The following EFCAB13 variants were observed in gnomAD, a reference collection of about 807,000 sequenced individuals.
EFCAB13 encodes the protein EF-hand calcium binding domain 13, also known as EF-hand calcium-binding domain-containing protein 13.
EFCAB13 carries 91 observed loss-of-function variants against 110.2 expected under a neutral mutation model. That is an observed-to-expected ratio of 0.83 (90% CI 0.70 to 0.98). EFCAB13 has a LOEUF of 0.98. Among genes scored for constraint, EFCAB13 ranks in the 50% least tolerant of loss-of-function variants. The probability of loss-of-function intolerance (pLI) is 0.00; values close to 1 mark genes in which losing one functional copy is unlikely to be tolerated. For synonymous variants in EFCAB13, 323 were observed against 369.9 expected (o/e 0.87, Z 1.45); for missense variants, 968 against 1,119.4 (o/e 0.86, Z 1.93).
At chr17:47,404,816 A>G (rs2065797125) in intron 20 of EFCAB13, among the ~76,000 whole-genome samples, 183 bp downstream of exon 20, 1 of 152,138 alleles carries the variant, frequency 6.6e-6, no homozygotes, top group Admixed American at 6.5e-5. Context: ...TTGAAATTTA[A>G]GAATTGTACA....
chr17:47,420,915 CCT>C (rs1464959109), intron 23 of EFCAB13, among the ~76,000 whole-genome samples: 65 of 148,898 alleles, frequency 4.4e-4, no homozygotes, highest in Admixed American at 4.3e-3. Context: ...GTGAGGGGCG[CCT>C]CTGCCCAGCC....
In EFCAB13 at chr17:47,344,201, A is replaced by C. The variant is rs768245889; in HGVS notation, c.343A>C (p.Thr115Pro). The C allele has an allele frequency of 6.2e-7, 1 of 1,613,234 alleles. No individual in the cohort carries two copies. Among genetic ancestry groups the C allele is most frequent in the East Asian group, 2.2e-5 (1 of 44,842 alleles). ...TCTGAAGCTGTCAAAGGAGAAGGTG[A>C]CAAGGAAAGAAAACTCTTTATGCAA... ...PFLKLSKEKV[T>P]RKENSLCKLP... Residue 115 changes from threonine to proline, a missense_variant, in exon 7 of 25, where the codon ACA becomes CCA. Coordinates refer to ENST00000331493, the MANE Select transcript of EFCAB13 (RefSeq NM_152347.5).
chr17:47,351,300 TGTGTGC>T lies in EFCAB13; in HGVS notation c.661+3351_661+3356del, dbSNP rs1381835210. On this transcript the variant is annotated intron_variant, in intron 9 of 24. Coordinates refer to ENST00000331493, the MANE Select transcript of EFCAB13 (RefSeq NM_152347.5). ...TCCACTGTGTGTGTGTGTGTGTGTG[TGTGTGC>T]GCGCGCGCGCGCGCGCGCGCGCCAC... 1.2e-3 allele frequency among the ~76,000 whole-genome samples: 132 copies of T among 110,688 alleles called. No individual in the cohort carries two copies. The East Asian group carries it at 0.023, about 20-fold the overall frequency. 72.6% of individuals were successfully genotyped at this position (110,688 alleles called of 152,430 possible).
intron 18 of EFCAB13, among the ~76,000 whole-genome samples, chr17:47,402,630 TG>T (rs1246257953): frequency 6.6e-6 from 1 of 152,188 alleles, no homozygotes; most frequent in East Asian, 1.9e-4. Context: ...TGGATGACTT[TG>T]GAAAGGAAAT....
chr17:47,374,936 T>C lies in EFCAB13; in HGVS notation c.1342T>C (p.Ser448Pro). Residue 448 changes from serine to proline, a missense_variant, in exon 12 of 25, where the codon TCT becomes CCT. Transcript: ENST00000331493. ...KHSSLQKQVS[S>P]TEKTAISTLE... ...TTCCAGTCTCCAAAAACAGGTTTCG[T>C]CTACGGAAAAAACTGCAATTAGTAC... 1 of 1,584,508 alleles carries C rather than the reference T, an allele frequency of 6.3e-7. No homozygotes were observed. Among genetic ancestry groups the C allele is most frequent in the South Asian group, 1.2e-5 (1 of 85,114 alleles).
chr17:47,424,362 G>A (rs1314244867), intron 23 of EFCAB13, among the ~76,000 whole-genome samples: 1 of 152,228 alleles, frequency 6.6e-6, no homozygotes, highest in African/African-American at 2.4e-5. Flanking sequence ...AGAAAAGCAC[G>A]AAGCTGTGGA....
At chr17:47,347,766 C>T in intron 8 of EFCAB13, 42 bp from the exon 9 acceptor site, 1 of 1,330,444 alleles carries the variant, frequency 7.5e-7, no homozygotes, top group Admixed American at 2.6e-5. Flanking sequence ...GATAATTATT[C>T]TTTTTGATTA....
At chr17:47,378,106 C>T (rs372450129) in intron 13 of EFCAB13, among the ~76,000 whole-genome samples, 4 of 152,174 alleles carry the variant, frequency 2.6e-5, no homozygotes, top group East Asian at 3.8e-4. Flanking sequence ...TGGAGCCTTT[C>T]GTATTTCCAG....
At chr17:47,391,355 T>C (rs1271118661) in intron 14 of EFCAB13, 82 bp from the exon 15 acceptor site, 67 of 1,085,394 alleles carry the variant, frequency 6.2e-5, no homozygotes, top group Non-Finnish European at 8.1e-5. Flanking sequence ...TAATTTAGTG[T>C]TAGAACTAAA....
At chr17:47,371,059 G>GTTTTTTTTT in intron 11 of EFCAB13, among the ~76,000 whole-genome samples, 1 of 121,790 alleles carries the variant, frequency 8.2e-6, no homozygotes, top group Non-Finnish European at 1.8e-5. Flanking sequence ...GTTTTTAATG[G>GTTTTTTTTT]TTGTTTTTTT....
intron 23 of EFCAB13, among the ~76,000 whole-genome samples, chr17:47,416,404 TA>T (rs1488032135): frequency 6.6e-6 from 1 of 152,230 alleles, no homozygotes; most frequent in Non-Finnish European, 1.5e-5. Context: ...TAACTTCTTT[TA>T]TACAGCATAT....
At chr17:47,414,618 A>G (rs2143474564) in intron 22 of EFCAB13, among the ~76,000 whole-genome samples, 1 of 152,242 alleles carries the variant, frequency 6.6e-6, no homozygotes, top group South Asian at 2.1e-4. Flanking sequence ...GGTTCCTAGT[A>G]TATATAAGGA....
intron 24 of EFCAB13, among the ~76,000 whole-genome samples, chr17:47,437,357 G>C (rs1300944861): frequency 6.6e-6 from 1 of 152,142 alleles, no homozygotes. Context: ...TGTCAGTGGA[G>C]TATTGAAGTC....
intron 17 of EFCAB13, among the ~76,000 whole-genome samples, chr17:47,398,920 G>A (rs1166125091): frequency 6.6e-6 from 1 of 152,096 alleles, no homozygotes; most frequent in Admixed American, 6.5e-5. Flanking sequence ...CATATATTGT[G>A]TTTATTATTC....
intron 15 of EFCAB13, among the ~76,000 whole-genome samples, chr17:47,392,842 T>G (rs1193425944): frequency 1.3e-5 from 2 of 152,172 alleles, no homozygotes; most frequent in African/African-American, 4.8e-5. Context: ...ATTGATAAAT[T>G]TGCATACATT....
intron 10 of EFCAB13, among the ~76,000 whole-genome samples, chr17:47,364,879 C>T (rs763146757): frequency 2.6e-5 from 4 of 152,202 alleles, no homozygotes; most frequent in African/African-American, 7.2e-5. Context: ...TTCTTCCTTG[C>T]TCTCTGTGCC....
Position 47,424,874 on chromosome 17 carries a change from C to CTTTTT in EFCAB13, c.2495-4922_2495-4918dup, listed in dbSNP as rs548271723. The stretch of plus-strand genomic sequence containing the variant: ...AGGATTTCTTTCTCCGGTTGACAAT[C>CTTTTT]TTTTTTTTTTTTTTTTTTTTTTTTT... On this transcript the variant is annotated intron_variant, in intron 23 of 24. Transcript: ENST00000331493. Among the ~76,000 whole-genome samples the CTTTTT allele has an allele frequency of 1.1e-3, 40 of 36,896 alleles. 10 individuals are homozygous for CTTTTT. The highest frequency in any genetic ancestry group is 1.5e-3 in the African/African-American group (12 of 8,112). 24.2% of individuals were successfully genotyped at this position (36,896 alleles called of 152,430 possible). A position where few individuals can be genotyped will look rare whatever the true frequency, so the allele number is the denominator to read the frequency against.
chr17:47,407,532 T>C (rs2065811518), intron 20 of EFCAB13, among the ~76,000 whole-genome samples: 1 of 152,138 alleles, frequency 6.6e-6, no homozygotes, highest in South Asian at 2.1e-4. Flanking sequence ...GTTTGTAGCA[T>C]TGAATGAGAC....
intron 23 of EFCAB13, among the ~76,000 whole-genome samples, chr17:47,422,224 T>A (rs1329713640): frequency 6.6e-6 from 1 of 152,158 alleles, no homozygotes; most frequent in Non-Finnish European, 1.5e-5. Context: ...GAAAACATAT[T>A]TGATCAAATT....
Sources: gnomAD v4.1 joint callset for allele counts (sites outside exome capture counted in the v4.1 genomes callset) on GRCh38, gnomAD v4.1.1 for gene constraint, MANE v1.5 for transcripts, NCBI Gene and HGNC (gene_info 2026-07-23, HGNC 2026-07-21) for gene names.